The following HS6ST1 variants were observed in gnomAD, a reference collection of about 807,000 sequenced individuals.
HS6ST1 encodes the protein heparan sulfate 6-O-sulfotransferase 1.
A neutral mutation model predicts 25.2 loss-of-function variants in HS6ST1; 3 were observed. The observed-to-expected ratio is 0.12, with a 90% CI of 0.05 to 0.31. The LOEUF (loss-of-function observed/expected upper bound fraction) is 0.31, where lower values mean the gene tolerates loss of function less well. Ranked by LOEUF, HS6ST1 falls within the 10% of genes least tolerant of loss-of-function variation. The pLI is 1.00. For missense variants in HS6ST1, 310 were observed against 609.6 expected (o/e 0.51, Z 5.18); for synonymous variants, 204 against 275.1 (o/e 0.74, Z 2.56).
intron 1 of HS6ST1, among the ~76,000 whole-genome samples, chr2:128,302,921 C>T (rs987580097): frequency 6.6e-5 from 10 of 152,228 alleles, no homozygotes; most frequent in African/African-American, 2.4e-4. Context: ...TCTCCCCCGA[C>T]GGCCTGCCCT....
chr2:128,289,243 G>A (rs1307839752), intron 1 of HS6ST1, among the ~76,000 whole-genome samples: 4 of 112,742 alleles, frequency 3.5e-5, no homozygotes, highest in Non-Finnish European at 7.2e-5. Context: ...GCTGTCACCT[G>A]AGCAGTGACC....
intron 1 of HS6ST1, among the ~76,000 whole-genome samples, chr2:128,283,704 G>A (rs1693820162): frequency 6.6e-6 from 1 of 152,180 alleles, no homozygotes; most frequent in Non-Finnish European, 1.5e-5. Context: ...TGGCAGGGGT[G>A]GGCTTTGGCC....
At chr2:128,305,526 A>C (rs960419284) in intron 1 of HS6ST1, among the ~76,000 whole-genome samples, 2 of 152,222 alleles carry the variant, frequency 1.3e-5, no homozygotes, top group African/African-American at 4.8e-5. Flanking sequence ...TGGGGTCTGC[A>C]GTGGGCGGGA....
chr2:128,312,266 C>G (rs1694303011), intron 1 of HS6ST1, among the ~76,000 whole-genome samples: 1 of 152,246 alleles, frequency 6.6e-6, no homozygotes, highest in South Asian at 2.1e-4. Flanking sequence ...TGTCCACATG[C>G]TAGCTCCTGG....
At chr2:128,288,273 G>A (rs1303700777) in intron 1 of HS6ST1, among the ~76,000 whole-genome samples, 7 of 152,158 alleles carry the variant, frequency 4.6e-5, no homozygotes, top group Admixed American at 1.3e-4. Flanking sequence ...CAAGAGAGAC[G>A]TGGAGGCCCG....
intron 1 of HS6ST1, among the ~76,000 whole-genome samples, chr2:128,280,316 C>CT (rs1693766004): frequency 6.6e-6 from 1 of 152,244 alleles, no homozygotes; most frequent in Non-Finnish European, 1.5e-5. Context: ...GCGCAGCTCT[C>CT]CAGGGCCACA....
intron 1 of HS6ST1, among the ~76,000 whole-genome samples, chr2:128,281,402 G>A (rs1693783639): frequency 6.6e-6 from 1 of 152,220 alleles, no homozygotes; most frequent in South Asian, 2.1e-4. Flanking sequence ...AGTCCCTGAG[G>A]AGGAAGACGC....
chr2:128,283,334 A>C (rs1693813907), intron 1 of HS6ST1, among the ~76,000 whole-genome samples: 1 of 152,200 alleles, frequency 6.6e-6, no homozygotes, highest in Admixed American at 6.5e-5. Context: ...TTCCAGCCCC[A>C]GAGCTCAGCA....
Position 128,279,265 on chromosome 2 carries a change from C to T in HS6ST1, c.528-10395G>A, listed in dbSNP as rs189603217. Among the ~76,000 whole-genome samples, 468 of 150,598 alleles carry T rather than the reference C, an allele frequency of 3.1e-3. 2 individuals carry two copies. Among genetic ancestry groups the T allele is most frequent in the African/African-American group, 0.011 (444 of 40,822 alleles). ...ACAATGGCAATTTTTATACCAGTGCCAACAGAGGGGAAGCTCCCTAAATGT... is the reference window on the plus strand; with the variant it reads ...ACAATGGCAATTTTTATACCAGTGCTAACAGAGGGGAAGCTCCCTAAATGT... On this transcript the variant is annotated intron_variant, in intron 1 of 1. Transcript: ENST00000259241.
At chr2:128,271,064 T>C (rs1195950449) in intron 1 of HS6ST1, among the ~76,000 whole-genome samples, 1 of 152,212 alleles carries the variant, frequency 6.6e-6, no homozygotes, top group Admixed American at 6.5e-5. Context: ...TGAGCTCCTC[T>C]GCCCATGGCC....
intron 1 of HS6ST1, among the ~76,000 whole-genome samples, chr2:128,310,908 G>A (rs932690957): frequency 2.6e-5 from 4 of 152,124 alleles, no homozygotes; most frequent in Middle Eastern, 3.2e-3. Context: ...CACTCATGCC[G>A]TCCCATCTCC....
intron 1 of HS6ST1, among the ~76,000 whole-genome samples, chr2:128,297,022 A>G (rs1694047987): frequency 6.6e-6 from 1 of 152,132 alleles, no homozygotes; most frequent in African/African-American, 2.4e-5. Context: ...GGTTCACATC[A>G]CTGCACCTTA....
intron 1 of HS6ST1, among the ~76,000 whole-genome samples, chr2:128,310,418 G>A (rs895571925): frequency 6.6e-6 from 1 of 152,210 alleles, no homozygotes; most frequent in Non-Finnish European, 1.5e-5. Context: ...AGCCCTAGAG[G>A]GAGTTCAGGG....
Position 128,274,830 on chromosome 2 carries a change from T to C in HS6ST1, c.528-5960A>G, listed in dbSNP as rs372555981. Reference sequence around the variant, plus strand: ...CCATCTCTACTAAAAATACAAAAATTAGCCGGGAGTGGTGGCACATGTCTG... The same window carrying C: ...CCATCTCTACTAAAAATACAAAAATCAGCCGGGAGTGGTGGCACATGTCTG... On this transcript the variant is annotated intron_variant, in intron 1 of 1. Coordinates refer to ENST00000259241, the MANE Select transcript of HS6ST1 (RefSeq NM_004807.3). 1.0e-3 allele frequency among the ~76,000 whole-genome samples: 152 copies of C among 152,046 alleles called. 3 individuals are homozygous for C. In the South Asian group the frequency reaches 0.024, roughly 24 times the overall value.
intron 1 of HS6ST1, among the ~76,000 whole-genome samples, chr2:128,286,164 TG>T (rs1432289150): frequency 2.0e-5 from 3 of 152,206 alleles, no homozygotes; most frequent in Non-Finnish European, 4.4e-5. Flanking sequence ...AGGACTGGCG[TG>T]GGGGACCCCA....
At chr2:128,286,802 C>T (rs1201296675) in intron 1 of HS6ST1, among the ~76,000 whole-genome samples, 1 of 152,246 alleles carries the variant, frequency 6.6e-6, no homozygotes, top group East Asian at 1.9e-4. Context: ...GCAAAGGTTT[C>T]AGAAAACAGA....
At chr2:128,295,882 A>G (rs999816271) in intron 1 of HS6ST1, among the ~76,000 whole-genome samples, 5 of 152,230 alleles carry the variant, frequency 3.3e-5, no homozygotes, top group Non-Finnish European at 7.3e-5. Flanking sequence ...AATAAAGGCC[A>G]TTGCTATGGA....
At chr2:128,288,012 A>G (rs1693890965) in intron 1 of HS6ST1, among the ~76,000 whole-genome samples, 1 of 143,102 alleles carries the variant, frequency 7.0e-6, no homozygotes, top group South Asian at 2.2e-4. Flanking sequence ...CCTTGGGGTC[A>G]GGAGAAGGTG....
chr2:128,265,889 C>T lies in HS6ST1; in HGVS notation c.*2273G>A, dbSNP rs1377797106. The T allele has an allele frequency of 6.6e-6, 1 of 151,982 alleles. No homozygotes were observed. Among genetic ancestry groups the T allele is most frequent in the Non-Finnish European group, 1.5e-5 (1 of 67,982 alleles). 9.4% of individuals were successfully genotyped at this position (151,982 alleles called of 1,614,324 possible). ...ATGCTGCTGGCAAAGGAACTGTTGA[C>T]CCAAAGCAGGTGGCCTGAATGGGAA... On this transcript the variant is annotated 3_prime_UTR_variant, in exon 2 of 2. Transcript: ENST00000259241.
Sources: gnomAD v4.1 joint callset for allele counts (sites outside exome capture counted in the v4.1 genomes callset) on GRCh38, gnomAD v4.1.1 for gene constraint, MANE v1.5 for transcripts, NCBI Gene and HGNC (gene_info 2026-07-23, HGNC 2026-07-21) for gene names.